The following CAP2 variants were observed in gnomAD, a reference collection of about 807,000 sequenced individuals.
CAP2 encodes adenylyl cyclase-associated protein 2.
In CAP2, 24 loss-of-function variants were observed where a neutral mutation model predicts 57.7. That is an observed-to-expected ratio of 0.42 (90% confidence interval 0.30 to 0.58). CAP2 has a LOEUF of 0.58. CAP2 is among the 20% of genes least tolerant of loss of function. The pLI, the probability that CAP2 is intolerant of heterozygous loss-of-function variation, is 0.22. For synonymous variants in CAP2, 194 were observed against 207.2 expected, an observed-to-expected ratio of 0.94 and a Z score of 0.55; for missense variants, 501 against 590.3, an observed-to-expected ratio of 0.85 and a Z score of 1.57.
Position 17,463,365 on chromosome 6 carries a change from A to G in CAP2, c.300+292A>G, listed in dbSNP as rs139384783. 3.2e-3 allele frequency among the ~76,000 whole-genome samples: 482 copies of G among 151,892 alleles called. 4 individuals are homozygous for G. Among genetic ancestry groups the G allele is most frequent in the African/African-American group, 0.011 (449 of 41,394 alleles). The stretch of plus-strand genomic sequence containing the variant: ...AATATATCATTATGGCCAAATTCTT[A>G]CTGTAACAAATGGACATTACCAGTT... On this transcript the variant is annotated intron_variant, in intron 4 of 12. Transcript: ENST00000229922.
At chr6:17,452,186 A>T (rs1360650401) in intron 3 of CAP2, among the ~76,000 whole-genome samples, 1 of 152,232 alleles carries the variant, frequency 6.6e-6, no homozygotes, top group African/African-American at 2.4e-5. Flanking sequence ...CCGACTAATG[A>T]TGGGACCAGT....
At chr6:17,435,852 T>A (rs1022558119) in intron 3 of CAP2, among the ~76,000 whole-genome samples, 7 of 152,106 alleles carry the variant, frequency 4.6e-5, no homozygotes, top group Admixed American at 3.9e-4. Flanking sequence ...TTTGACCAGA[T>A]CCCTGTTGCT....
At chr6:17,529,649 A>AT (rs1171658566) in intron 7 of CAP2, among the ~76,000 whole-genome samples, 1 of 129,010 alleles carries the variant, frequency 7.8e-6, no homozygotes, top group East Asian at 2.0e-4. Flanking sequence ...TCAAAAAAAA[A>AT]AAATATATAT....
intron 11 of CAP2, among the ~76,000 whole-genome samples, 198 bp downstream of exon 11, chr6:17,543,341 G>T (rs1206254183): frequency 2.0e-5 from 3 of 152,202 alleles, no homozygotes. Flanking sequence ...CTTGCAGCCA[G>T]TCGCGGTGGC....
At chr6:17,532,429 C>T (rs1185354856) in intron 7 of CAP2, among the ~76,000 whole-genome samples, 1 of 150,268 alleles carries the variant, frequency 6.7e-6, no homozygotes, top group Non-Finnish European at 1.5e-5. Flanking sequence ...GCGTGAGCCA[C>T]CGCGCCCAGC....
intron 1 of CAP2, among the ~76,000 whole-genome samples, chr6:17,403,488 A>T (rs1209342842): frequency 6.6e-6 from 1 of 152,238 alleles, no homozygotes; most frequent in Non-Finnish European, 1.5e-5. Context: ...GAGATTTCCA[A>T]TAAAGTTGCT....
At chr6:17,457,513 C>T (rs1216970597) in intron 3 of CAP2, among the ~76,000 whole-genome samples, 1 of 152,122 alleles carries the variant, frequency 6.6e-6, no homozygotes, top group African/African-American at 2.4e-5. Flanking sequence ...ACATGTCGAC[C>T]GATAAGGTTA....
chr6:17,440,899 C>G (rs1226092764), intron 3 of CAP2, among the ~76,000 whole-genome samples: 1 of 151,220 alleles, frequency 6.6e-6, no homozygotes, highest in Non-Finnish European at 1.5e-5. Context: ...CAGTTCCCAC[C>G]TATGAGTGAG....
At chr6:17,551,095 A>T (rs1378644355) in intron 11 of CAP2, among the ~76,000 whole-genome samples, 6 of 152,224 alleles carry the variant, frequency 3.9e-5, no homozygotes. Context: ...CAAGCAAATG[A>T]ATATGAATGC....
At chr6:17,448,541 C>T (rs1294722098) in intron 3 of CAP2, among the ~76,000 whole-genome samples, 2 of 152,170 alleles carry the variant, frequency 1.3e-5, no homozygotes, top group Non-Finnish European at 2.9e-5. Flanking sequence ...TTTTCCTATT[C>T]CCATACTGTT....
chr6:17,553,830 C>T (rs1763229477), intron 12 of CAP2, among the ~76,000 whole-genome samples: 1 of 152,100 alleles, frequency 6.6e-6, no homozygotes, highest in South Asian at 2.1e-4. Context: ...ATATTACTAA[C>T]CCCTCACAGC....
In CAP2 at chr6:17,406,398, C is replaced by CT. The variant is rs777803474; in HGVS notation, c.-2+12667dup. Among the ~76,000 whole-genome samples the CT allele has an allele frequency of 2.5e-3, 251 of 102,442 alleles. 12 individuals are homozygous for CT. Among genetic ancestry groups the CT allele is most frequent in the Middle Eastern group, 0.019 (4 of 210 alleles). The allele number at this position is 102,442 out of a possible 152,430, so 67.2% of individuals were successfully genotyped here. The stretch of plus-strand genomic sequence containing the variant: ...CTTTTCTGTCAGTAAGCCCAGATTT[C>CT]TTTTTTTTTTTTTTTGAGGCAGTCT... On this transcript the variant is annotated intron_variant, in intron 1 of 12. Coordinates refer to ENST00000229922, the MANE Select transcript of CAP2 (RefSeq NM_006366.3).
intron 7 of CAP2, chr6:17,531,022 A>G (rs9477473): frequency 1.0e-6 from 1 of 977,836 alleles, no homozygotes; most frequent in Admixed American, 1.7e-5. Flanking sequence ...GGCCACAGGA[A>G]GTTATTTGCT....
At chr6:17,540,155 C>G (rs1762866028) in intron 8 of CAP2, among the ~76,000 whole-genome samples, 1 of 152,076 alleles carries the variant, frequency 6.6e-6, no homozygotes, top group Non-Finnish European at 1.5e-5. Flanking sequence ...GAATTATATC[C>G]CACTATACTG....
chr6:17,552,605 C>T (rs975435751), intron 12 of CAP2, among the ~76,000 whole-genome samples: 4 of 152,108 alleles, frequency 2.6e-5, no homozygotes, highest in African/African-American at 4.8e-5. Flanking sequence ...GCATTCCAGC[C>T]GGGGCGACAG....
chr6:17,526,076 A>G (rs1762498351), intron 7 of CAP2, among the ~76,000 whole-genome samples: 1 of 151,820 alleles, frequency 6.6e-6, no homozygotes, highest in South Asian at 2.1e-4. Flanking sequence ...TAGTCCATTA[A>G]CTATAGATCA....
chr6:17,486,083 AC>A (rs1398457768), intron 4 of CAP2, among the ~76,000 whole-genome samples: 1 of 152,202 alleles, frequency 6.6e-6, no homozygotes, highest in African/African-American at 2.4e-5. Flanking sequence ...GGTGGCATGC[AC>A]CTGTAGTCCC....
At chr6:17,532,541 T>G (rs1762670523) in intron 7 of CAP2, among the ~76,000 whole-genome samples, 1 of 148,674 alleles carries the variant, frequency 6.7e-6, no homozygotes, top group African/African-American at 2.5e-5. Context: ...AGGCCAGGGG[T>G]TTGAGACCAG....
chr6:17,394,823 C>T (rs1004054158), intron 1 of CAP2, among the ~76,000 whole-genome samples: 3 of 152,174 alleles, frequency 2.0e-5, no homozygotes, highest in African/African-American at 4.8e-5. Context: ...GACTGCAAGC[C>T]TCTTGAAAGC....
Sources: allele counts gnomAD v4.1 joint callset (sites outside exome capture counted in the v4.1 genomes callset), GRCh38; gene constraint gnomAD v4.1.1; transcripts MANE v1.5; gene names NCBI Gene and HGNC (gene_info 2026-07-23, HGNC 2026-07-21).